ARB2A: variants seen among roughly 807,000 people sequenced by gnomAD.
ARB2A encodes the protein cotranscriptional regulator ARB2A.
At chr5:93,917,587 A>G in the ARB2A span, among the ~76,000 whole-genome samples, 1 of 152,146 alleles carries the variant, frequency 6.6e-6, no homozygotes, top group Non-Finnish European at 1.5e-5. Flanking sequence ...TGCAACATAA[A>G]AAACAGTGGG....
chr5:94,039,545 C>A, the ARB2A span, among the ~76,000 whole-genome samples: 1 of 152,190 alleles, frequency 6.6e-6, no homozygotes, highest in Admixed American at 6.5e-5. Context: ...TTCAGCATAT[C>A]ATCAAGAAAT....
the ARB2A span, among the ~76,000 whole-genome samples, chr5:93,706,708 T>C: frequency 2.0e-5 from 3 of 152,012 alleles, no homozygotes; most frequent in Non-Finnish European, 2.9e-5. Flanking sequence ...TCTACTAAAA[T>C]ACAAAAAGTT....
the ARB2A span, among the ~76,000 whole-genome samples, chr5:94,014,933 G>A: frequency 1.3e-5 from 2 of 150,470 alleles, no homozygotes; most frequent in Non-Finnish European, 3.0e-5. Context: ...AGGATTATTG[G>A]TGTTCAAGAG....
the ARB2A span, among the ~76,000 whole-genome samples, chr5:93,755,928 C>T: frequency 2.6e-5 from 4 of 152,154 alleles, no homozygotes; most frequent in African/African-American, 9.7e-5. Flanking sequence ...ACTCCACAAG[C>T]GAGAACCAAG....
At chr5:93,858,704 T>C in the ARB2A span, among the ~76,000 whole-genome samples, 1 of 152,212 alleles carries the variant, frequency 6.6e-6, no homozygotes, top group East Asian at 1.9e-4. Flanking sequence ...CATAAAAAGA[T>C]TGGCAGTGAG....
chr5:93,659,771 CT>C, the ARB2A span, among the ~76,000 whole-genome samples: 1 of 152,042 alleles, frequency 6.6e-6, no homozygotes, highest in African/African-American at 2.4e-5. Flanking sequence ...AAGGACACTC[CT>C]TCAATACATA....
At chr5:94,076,602 C>A in the ARB2A span, among the ~76,000 whole-genome samples, 1 of 152,198 alleles carries the variant, frequency 6.6e-6, no homozygotes, top group Admixed American at 6.5e-5. Context: ...AAACAAATAT[C>A]TGCAAGGGAT....
chr5:93,893,051 C>T, the ARB2A span, among the ~76,000 whole-genome samples: 1 of 152,152 alleles, frequency 6.6e-6, no homozygotes, highest in Non-Finnish European at 1.5e-5. Context: ...AATATTACTA[C>T]CTTTCTTCCA....
At chr5:93,887,002 A>T in the ARB2A span, among the ~76,000 whole-genome samples, 1 of 151,938 alleles carries the variant, frequency 6.6e-6, no homozygotes, top group South Asian at 2.1e-4. Flanking sequence ...GTTAGTCAGT[A>T]AAAGAAAACA....
chr5:94,054,065 G>A, the ARB2A span, among the ~76,000 whole-genome samples: 8 of 152,160 alleles, frequency 5.3e-5, no homozygotes, highest in African/African-American at 1.9e-4. Context: ...GCCATGCCTC[G>A]CTGAGTTTTG....
At chr5:94,101,520 TAAAGA>T in the ARB2A span, among the ~76,000 whole-genome samples, 1 of 152,044 alleles carries the variant, frequency 6.6e-6, no homozygotes, top group Non-Finnish European at 1.5e-5. Flanking sequence ...TTCACAACAG[TAAAGA>T]TATGGAATCA....
At chr5:93,903,139 A>T in the ARB2A span, among the ~76,000 whole-genome samples, 1 of 152,116 alleles carries the variant, frequency 6.6e-6, no homozygotes, top group South Asian at 2.1e-4. Flanking sequence ...GTGTTCCCAC[A>T]TGCTTAAATG....
the ARB2A span, among the ~76,000 whole-genome samples, chr5:93,879,304 C>G: frequency 6.6e-6 from 1 of 151,900 alleles, no homozygotes; most frequent in African/African-American, 2.4e-5. Context: ...TGCTATTTTG[C>G]AAAATTCCAG....
At chr5:93,998,375 T>A in the ARB2A span, among the ~76,000 whole-genome samples, 1 of 151,946 alleles carries the variant, frequency 6.6e-6, no homozygotes, top group East Asian at 1.9e-4. Flanking sequence ...AAAATCCTAA[T>A]CAATTTTGAT....
At chr5:93,783,176 T>C in the ARB2A span, among the ~76,000 whole-genome samples, 50 of 152,202 alleles carry the variant, frequency 3.3e-4, no homozygotes, top group East Asian at 8.5e-3. Context: ...TCCATACTAG[T>C]TATGTGAGCG....
At chr5:93,840,191 G>T in the ARB2A span, among the ~76,000 whole-genome samples, 1 of 152,082 alleles carries the variant, frequency 6.6e-6, no homozygotes, top group Non-Finnish European at 1.5e-5. Context: ...AGAAATTCAG[G>T]TATGTTGTAT....
At chr5:94,035,154 G>A in the ARB2A span, among the ~76,000 whole-genome samples, 1 of 147,168 alleles carries the variant, frequency 6.8e-6, no homozygotes, top group Non-Finnish European at 1.5e-5. Flanking sequence ...AAGGAGCCCT[G>A]GCTTTTTACT....
chr5:93,709,654 A>C, the ARB2A span, among the ~76,000 whole-genome samples: 6 of 149,524 alleles, frequency 4.0e-5, no homozygotes, highest in African/African-American at 7.4e-5. Context: ...AAAAAAAAAA[A>C]AAACCATAAA....
chr5:93,656,565 A>G, the ARB2A span, among the ~76,000 whole-genome samples: 1 of 152,206 alleles, frequency 6.6e-6, no homozygotes, highest in Non-Finnish European at 1.5e-5. Context: ...GGATTCATGT[A>G]CTATTCACAC....
Sources: gnomAD v4.1 joint callset for allele counts (sites outside exome capture counted in the v4.1 genomes callset) on GRCh38, gnomAD v4.1.1 for gene constraint, MANE v1.5 for transcripts, NCBI Gene and HGNC (gene_info 2026-07-23, HGNC 2026-07-21) for gene names.